SCAI: variants seen among roughly 807,000 people sequenced by gnomAD.
SCAI encodes suppressor of cancer cell invasion.
A neutral mutation model predicts 92.2 loss-of-function variants in SCAI; 24 were observed. The observed-to-expected ratio is 0.26, with a 90% CI of 0.19 to 0.37. SCAI has a LOEUF of 0.37. Ranked by LOEUF, SCAI falls within the 10% of genes least tolerant of loss-of-function variation. The probability of loss-of-function intolerance (pLI) is 1.00; values close to 1 mark genes in which losing one functional copy is unlikely to be tolerated. For synonymous variants in SCAI, 261 were observed against 258.6 expected (o/e 1.01, Z -0.09); for missense variants, 450 against 736.2 (o/e 0.61, Z 4.50).
At chr9:125,042,527 T>C (rs1833335314) in intron 3 of SCAI, among the ~76,000 whole-genome samples, 1 of 151,796 alleles carries the variant, frequency 6.6e-6, no homozygotes, top group South Asian at 2.1e-4. Flanking sequence ...TCTCACCATC[T>C]TGTAACTCTT....
At chr9:125,109,319 AT>A (rs2131228855) in intron 2 of SCAI, among the ~76,000 whole-genome samples, 1 of 152,136 alleles carries the variant, frequency 6.6e-6, no homozygotes, top group South Asian at 2.1e-4. Context: ...ACCCTGCCAA[AT>A]CCCCCTCTGC....
Position 125,106,122 on chromosome 9 carries a change from AATATATATATATATATATATAT to A in SCAI, c.98+36489_98+36510del, listed in dbSNP as rs1206665762. On this transcript the variant is annotated intron_variant, in intron 2 of 17. Coordinates refer to ENST00000336505, the MANE Select transcript of SCAI (RefSeq NM_001144877.3). ...AAAAAAAAAAAAAAAAAAAAAAAAA[AATATATATATATATATATATAT>A]ATATATATATAGTTAAGTCAATATT... 4.5e-4 allele frequency among the ~76,000 whole-genome samples: 4 copies of A among 8,860 alleles called. 1 individual carries two copies. Among genetic ancestry groups the A allele is most frequent in the South Asian group, 0.021 (2 of 96 alleles). 5.8% of individuals were successfully genotyped at this position (8,860 alleles called of 152,430 possible).
intron 4 of SCAI, 32 bp from the exon 5 acceptor site, chr9:125,028,510 TGA>T: frequency 7.9e-7 from 1 of 1,258,530 alleles, no homozygotes. Flanking sequence ...AAAATAGAAA[TGA>T]GTCTATAAAT....
At position 125,054,549 on chromosome 9, in the gene SCAI, A is replaced by G. The variant is rs549183620; in HGVS notation, c.230+1327T>C. Among the ~76,000 whole-genome samples the G allele has an allele frequency of 4.6e-5, 7 of 152,322 alleles. No individual in the cohort carries two copies. The East Asian group carries it at 1.3e-3, about 29-fold the overall frequency. ...ATACCTGGAAGGCAAAGAGAAAAAA[A>G]AAAAGTCTAAGTATGCAAATTTAAG... On this transcript the variant is annotated intron_variant, in intron 3 of 17. Transcript: ENST00000336505.
intron 1 of SCAI, 136 bp downstream of exon 1, chr9:125,143,249 A>AGG: frequency 4.5e-6 from 2 of 448,440 alleles, no homozygotes; most frequent in Non-Finnish European, 6.9e-6. Context: ...GGCGCCCCCA[A>AGG]GGTCCCCCCA....
intron 2 of SCAI, among the ~76,000 whole-genome samples, chr9:125,085,760 T>C (rs1462315539): frequency 2.0e-5 from 3 of 152,144 alleles, no homozygotes; most frequent in Non-Finnish European, 2.9e-5. Flanking sequence ...AAGCGAGACC[T>C]TGTCTCAAAA....
intron 9 of SCAI, among the ~76,000 whole-genome samples, chr9:125,005,402 G>A (rs1239695509): frequency 6.6e-6 from 1 of 152,164 alleles, no homozygotes; most frequent in Non-Finnish European, 1.5e-5. Context: ...CGCAATCTCG[G>A]CTCACTGCAA....
intron 9 of SCAI, among the ~76,000 whole-genome samples, chr9:125,012,662 C>A (rs919383769): frequency 6.6e-6 from 1 of 152,068 alleles, no homozygotes; most frequent in Admixed American, 6.6e-5. Flanking sequence ...TTGAACTCAG[C>A]TCTGCACCAA....
In SCAI at chr9:124,996,271, C is replaced by G. The variant is rs1382487253; in HGVS notation, c.1245-1256G>C. Among the ~76,000 whole-genome samples the G allele has an allele frequency of 3.9e-5, 6 of 152,088 alleles. No homozygotes were observed. The South Asian group carries it at 1.2e-3, about 32-fold the overall frequency. On this transcript the variant is annotated intron_variant, in intron 13 of 17. Coordinates refer to ENST00000336505, the MANE Select transcript of SCAI (RefSeq NM_001144877.3). ...GCAGAGAGGACACATAAGCTTTACT[C>G]TTTCAGAAAATTTCGAGTAAACAAC...
At chr9:125,055,575 C>G (rs1392739894) in intron 3 of SCAI, among the ~76,000 whole-genome samples, 1 of 152,168 alleles carries the variant, frequency 6.6e-6, no homozygotes, top group Non-Finnish European at 1.5e-5. Context: ...GCTCCTCAGA[C>G]CTCAACACCC....
chr9:124,968,371 G>T, intron 17 of SCAI: 3 of 1,188,638 alleles, frequency 2.5e-6, no homozygotes, highest in Non-Finnish European at 3.8e-6. Flanking sequence ...TCTGCAGCGA[G>T]CACATCATGG....
At chr9:125,143,242 GC>G in intron 1 of SCAI, 142 bp downstream of exon 1, 2 of 464,264 alleles carry the variant, frequency 4.3e-6, no homozygotes, top group South Asian at 1.9e-4. Context: ...GCCTGCAGGC[GC>G]CCCCAAGGTC....
intron 11 of SCAI, 95 bp from the exon 12 acceptor site, chr9:125,002,138 A>G (rs190545987): frequency 7.5e-5 from 65 of 863,688 alleles, no homozygotes; most frequent in Middle Eastern, 4.4e-4. Flanking sequence ...TTGTGAAATA[A>G]ATAAGAATGC....
chr9:125,059,795 A>C (rs1406035385), intron 2 of SCAI, among the ~76,000 whole-genome samples: 1 of 152,200 alleles, frequency 6.6e-6, no homozygotes, highest in Non-Finnish European at 1.5e-5. Context: ...TTCAAAATCT[A>C]TCTTTCCAGT....
chr9:125,046,815 C>G (rs1833453837), intron 3 of SCAI, among the ~76,000 whole-genome samples: 1 of 151,854 alleles, frequency 6.6e-6, no homozygotes, highest in South Asian at 2.1e-4. Flanking sequence ...TAAGACCTGA[C>G]AAGATCTTAG....
chr9:125,017,446 T>C (rs1832783423), intron 9 of SCAI, among the ~76,000 whole-genome samples: 1 of 151,912 alleles, frequency 6.6e-6, no homozygotes, highest in Admixed American at 6.6e-5. Flanking sequence ...ATTCATACTA[T>C]AATTTCAAAA....
Position 125,143,500 on chromosome 9 carries a change from G to A in SCAI, c.-63C>T, listed in dbSNP as rs1835725693. 2.3e-6 allele frequency: 3 copies of A among 1,290,434 alleles called. No individual in the cohort carries two copies. Among genetic ancestry groups the A allele is most frequent in the Non-Finnish European group, 3.0e-6 (3 of 1,013,344 alleles). The allele number at this position is 1,290,434 out of a possible 1,614,324, so 79.9% of individuals were successfully genotyped here. On this transcript the variant is annotated 5_prime_UTR_variant, in exon 1 of 18. Transcript: ENST00000336505. ...CGCAGGGCTCGCTCGGGAAGCTGAG[G>A]CGGCGGAGGCTGGAGTAGGCGGAGA... is the stretch of plus-strand genomic sequence containing the variant.
At position 125,019,110 on chromosome 9, in the gene SCAI, A is replaced by G; in HGVS notation, c.705T>C (p.Ile235=). 1 of 1,598,978 alleles carries G rather than the reference A, an allele frequency of 6.3e-7. No homozygotes were observed. Among genetic ancestry groups the G allele is most frequent in the Non-Finnish European group, 8.5e-7 (1 of 1,171,102 alleles). ...ATTTTTCTTATCAAAAACTGACCTC[A>G]ATGAAAGCTGCTACTTCTTGAAGCA... ...NLVLQEVAAF[I]EADPVMVLND... Residue 235 remains isoleucine (I), a synonymous_variant, in exon 8 of 18, where the codon ATT becomes ATC. Transcript: ENST00000336505.
At chr9:124,992,861 C>G (rs1832163365) in intron 14 of SCAI, among the ~76,000 whole-genome samples, 1 of 152,190 alleles carries the variant, frequency 6.6e-6, no homozygotes, top group South Asian at 2.1e-4. Flanking sequence ...ATTACTTGAG[C>G]AAATACATTT....
Sources: gnomAD v4.1 joint callset for allele counts (sites outside exome capture counted in the v4.1 genomes callset) on GRCh38, gnomAD v4.1.1 for gene constraint, MANE v1.5 for transcripts, NCBI Gene and HGNC (gene_info 2026-07-23, HGNC 2026-07-21) for gene names.